The following L3MBTL4 variants were observed in gnomAD, a reference collection of about 807,000 sequenced individuals.
L3MBTL4 encodes the protein lethal(3)malignant brain tumor-like protein 4.
In L3MBTL4, 70 loss-of-function variants were observed where a neutral mutation model predicts 84.5. That is an observed-to-expected ratio of 0.83 (90% CI 0.68 to 1.01). L3MBTL4 has a LOEUF of 1.01. Among genes scored for constraint, L3MBTL4 ranks in the 50% least tolerant of loss-of-function variants. L3MBTL4 has a pLI of 0.00. For synonymous variants in L3MBTL4, 274 were observed against 259.8 expected, an observed-to-expected ratio of 1.05 and a Z score of -0.52; for missense variants, 715 against 754.8, an observed-to-expected ratio of 0.95 and a Z score of 0.62.
Position 6,169,359 on chromosome 18 carries a change from G to T in L3MBTL4, c.1096+2469C>A, listed in dbSNP as rs148724769. 3.2e-3 allele frequency among the ~76,000 whole-genome samples: 486 copies of T among 152,208 alleles called. 2 individuals carry two copies. Among genetic ancestry groups the T allele is most frequent in the African/African-American group, 0.011 (452 of 41,532 alleles). ...TACTCAAAGAATTACAAAACATGCT[G>T]CTATAAAGACACATGCACATGTATG... On this transcript the variant is annotated intron_variant, in intron 13 of 18. Transcript: ENST00000317931.
At chr18:6,314,588 T>A (rs976149462) in intron 1 of L3MBTL4, among the ~76,000 whole-genome samples, 4 of 152,218 alleles carry the variant, frequency 2.6e-5, no homozygotes, top group African/African-American at 9.6e-5. Flanking sequence ...TATTTCTGTA[T>A]AAAAATTGAA....
chr18:6,146,112 C>CCCTCCCCTCTTT (rs2042640556), intron 13 of L3MBTL4, among the ~76,000 whole-genome samples: 1 of 152,212 alleles, frequency 6.6e-6, no homozygotes, highest in Non-Finnish European at 1.5e-5. Flanking sequence ...GGAGATGAGA[C>CCCTCCCCTCTTT]GGCGTGGGCC....
At chr18:5,971,851 G>A (rs1310956787) in intron 16 of L3MBTL4, among the ~76,000 whole-genome samples, 1 of 152,188 alleles carries the variant, frequency 6.6e-6, no homozygotes, top group East Asian at 1.9e-4. Flanking sequence ...AATTCAGTTA[G>A]TCCAAGTAGC....
intron 16 of L3MBTL4, among the ~76,000 whole-genome samples, chr18:5,989,287 C>T (rs956417871): frequency 8.5e-5 from 13 of 152,178 alleles, no homozygotes; most frequent in African/African-American, 2.9e-4. Context: ...TGTGACCAAA[C>T]ATGGCCTACA....
intron 16 of L3MBTL4, among the ~76,000 whole-genome samples, chr18:6,006,744 C>T (rs923393793): frequency 1.3e-5 from 2 of 152,042 alleles, no homozygotes; most frequent in African/African-American, 4.8e-5. Flanking sequence ...TAATGTGGCA[C>T]AAGTACATAG....
At chr18:6,239,257 C>T (rs997975057) in intron 9 of L3MBTL4, among the ~76,000 whole-genome samples, 35 of 147,980 alleles carry the variant, frequency 2.4e-4, no homozygotes, top group South Asian at 2.1e-4. Context: ...AGGAGAATGG[C>T]GTGAACCCGG....
chr18:6,299,395 G>A (rs1344321539), intron 4 of L3MBTL4, among the ~76,000 whole-genome samples: 2 of 152,156 alleles, frequency 1.3e-5, no homozygotes, highest in Non-Finnish European at 2.9e-5. Flanking sequence ...TACAAAGAAA[G>A]AAGAATGTTA....
At chr18:6,216,107 T>A (rs2046315863) in intron 10 of L3MBTL4, among the ~76,000 whole-genome samples, 1 of 152,142 alleles carries the variant, frequency 6.6e-6, no homozygotes, top group Non-Finnish European at 1.5e-5. Flanking sequence ...ATGTGAGTAC[T>A]TCACAGAGCC....
chr18:6,267,494 A>T (rs777829304), intron 4 of L3MBTL4, among the ~76,000 whole-genome samples: 4 of 152,242 alleles, frequency 2.6e-5, no homozygotes, highest in Non-Finnish European at 5.9e-5. Flanking sequence ...AAGATGCTCC[A>T]GGAAGACTAT....
At chr18:6,411,830 T>G (rs1178675040) in intron 1 of L3MBTL4, among the ~76,000 whole-genome samples, 1 of 152,208 alleles carries the variant, frequency 6.6e-6, no homozygotes, top group Non-Finnish European at 1.5e-5. Flanking sequence ...GGGTTTTCAA[T>G]TCAGTGGTTT....
At chr18:6,344,295 A>T (rs1472579289) in intron 1 of L3MBTL4, among the ~76,000 whole-genome samples, 1 of 152,214 alleles carries the variant, frequency 6.6e-6, no homozygotes, top group Non-Finnish European at 1.5e-5. Flanking sequence ...TGGATGACCT[A>T]GAAGAAATGG....
At chr18:6,190,966 A>G (rs2045052514) in intron 12 of L3MBTL4, among the ~76,000 whole-genome samples, 1 of 152,198 alleles carries the variant, frequency 6.6e-6, no homozygotes, top group Non-Finnish European at 1.5e-5. Flanking sequence ...TGGAGTAGAC[A>G]GCACATGGGA....
At chr18:5,973,024 C>T (rs2052733990) in intron 16 of L3MBTL4, among the ~76,000 whole-genome samples, 1 of 152,084 alleles carries the variant, frequency 6.6e-6, no homozygotes, top group Non-Finnish European at 1.5e-5. Flanking sequence ...ATTTGGACAG[C>T]TCCTGGTACA....
At chr18:6,148,729 C>T (rs924220901) in intron 13 of L3MBTL4, among the ~76,000 whole-genome samples, 1 of 152,056 alleles carries the variant, frequency 6.6e-6, no homozygotes, top group African/African-American at 2.4e-5. Flanking sequence ...CCATGCCCAA[C>T]CATAAAGCAC....
chr18:6,403,261 C>CGGA (rs1206169811), intron 1 of L3MBTL4, among the ~76,000 whole-genome samples: 2 of 152,144 alleles, frequency 1.3e-5, no homozygotes, highest in Non-Finnish European at 2.9e-5. Flanking sequence ...CCTGTCTCTC[C>CGGA]CAGGAATGCA....
At chr18:6,226,367 T>A (rs895484971) in intron 10 of L3MBTL4, among the ~76,000 whole-genome samples, 1 of 152,108 alleles carries the variant, frequency 6.6e-6, no homozygotes, top group East Asian at 1.9e-4. Flanking sequence ...GATCGCACCA[T>A]TGCACTCCAG....
intron 1 of L3MBTL4, chr18:6,395,836 C>A (rs138158308): frequency 1.3e-5 from 2 of 152,034 alleles, no homozygotes; most frequent in African/African-American, 2.4e-5. Flanking sequence ...AATAAAGATG[C>A]GGAAAAGAAC....
chr18:6,116,358 GGT>G (rs1491422536), intron 14 of L3MBTL4, among the ~76,000 whole-genome samples: 5 of 136,762 alleles, frequency 3.7e-5, no homozygotes, highest in Admixed American at 1.5e-4. Flanking sequence ...GGTTGTTGCT[GGT>G]TTTTTTTTTT....
In L3MBTL4 at chr18:6,163,267, GGGT is replaced by G. The variant is rs1568231205; in HGVS notation, c.1096+8558_1096+8560del. ...CTACGGGTGTGTGTGTGTGGGGGGG[GGGT>G]GGGTGTGTGTGTGTGTGTGTGTGTG... On this transcript the variant is annotated intron_variant, in intron 13 of 18. Coordinates refer to ENST00000317931, the MANE Select transcript of L3MBTL4 (RefSeq NM_001330559.2). Among the ~76,000 whole-genome samples, 673 of 93,612 alleles carry G rather than the reference GGGT, an allele frequency of 7.2e-3. 6 individuals carry two copies. Among genetic ancestry groups the G allele is most frequent in the African/African-American group, 0.025 (623 of 24,692 alleles). The allele number at this position is 93,612 out of a possible 152,430, so 61.4% of individuals were successfully genotyped here.
Sources: allele counts gnomAD v4.1 joint callset (sites outside exome capture counted in the v4.1 genomes callset), GRCh38; gene constraint gnomAD v4.1.1; transcripts MANE v1.5; gene names NCBI Gene and HGNC (gene_info 2026-07-23, HGNC 2026-07-21).